The following EARS2 variants were observed in gnomAD, a reference collection of about 807,000 sequenced individuals.
EARS2 encodes the protein nondiscriminating glutamyl-tRNA synthetase EARS2, mitochondrial.
EARS2 carries 50 observed loss-of-function variants against 54.1 expected under a neutral mutation model. The ratio of observed to expected loss-of-function variants is 0.92; its 90% CI spans 0.74 to 1.17. The LOEUF (loss-of-function observed/expected upper bound fraction) is 1.17. Among genes scored for constraint, EARS2 ranks in the 50% most tolerant of loss-of-function variants. The pLI, the probability that EARS2 is intolerant of heterozygous loss-of-function variation, is 0.00. For missense variants in EARS2, 673 were observed against 675.0 expected, an observed-to-expected ratio of 1.00 and a Z score of 0.03; for synonymous variants, 298 against 281.0, an observed-to-expected ratio of 1.06 and a Z score of -0.61.
At chr16:23,552,441 T>C (rs1382458568) in intron 1 of EARS2, 137 bp from the exon 2 acceptor site, 2 of 1,006,616 alleles carry the variant, frequency 2.0e-6, no homozygotes, top group Admixed American at 2.6e-5. Flanking sequence ...ACGCCTGTAA[T>C]CCTACCACTT....
chr16:23,538,257 T>G (rs1965457928), intron 3 of EARS2, among the ~76,000 whole-genome samples: 1 of 151,944 alleles, frequency 6.6e-6, no homozygotes, highest in African/African-American at 2.4e-5. Context: ...CTGTAGCCTC[T>G]GCCTCCCAGG....
chr16:23,539,474 TCATGACCCATAG>T (rs1372789422), intron 3 of EARS2, among the ~76,000 whole-genome samples: 1 of 152,196 alleles, frequency 6.6e-6, no homozygotes, highest in Non-Finnish European at 1.5e-5. Flanking sequence ...CAAGTGTCCA[TCATGACCCATAG>T]GGTTCTGGGT....
At chr16:23,556,338 C>T (rs1032430763) in intron 1 of EARS2, among the ~76,000 whole-genome samples, 11 of 152,200 alleles carry the variant, frequency 7.2e-5, no homozygotes, top group African/African-American at 2.7e-4. Flanking sequence ...CCTGCGATTT[C>T]CTCTACCCAG....
chr16:23,529,332 G>A (rs1965282071), intron 7 of EARS2, among the ~76,000 whole-genome samples, 170 bp downstream of exon 7: 1 of 152,182 alleles, frequency 6.6e-6, no homozygotes, highest in Non-Finnish European at 1.5e-5. Context: ...GAAAGCCCGG[G>A]TTCTCCGGGT....
At position 23,524,435 on chromosome 16, in the gene EARS2, T is replaced by C; in HGVS notation, c.1508A>G (p.Glu503Gly). The C allele has an allele frequency of 6.2e-7, 1 of 1,614,134 alleles. No homozygotes were observed. The highest frequency in any genetic ancestry group is 8.5e-7 in the Non-Finnish European group (1 of 1,180,020). ...CTTTGGTCCCAAGGCCAACATCATC[T>C]CAGCTACAGGAGGTCCTTGCTAAGA... The part of the protein sequence containing the change: ...SGQQQGPPVA[E>G]MMLALGPKEV... The change falls in exon 9 of 9, where the codon GAG (glutamate) becomes GGG (glycine). Residue 503 changes from glutamate to glycine, a missense_variant. By Grantham distance (98) the Glu-to-Gly change is moderately conservative (BLOSUM62 -2). Transcript: ENST00000449606.
At chr16:23,556,940 T>G in intron 1 of EARS2, 1 of 674,750 alleles carries the variant, frequency 1.5e-6, no homozygotes, top group Non-Finnish European at 2.7e-6. Flanking sequence ...GTTACACAGG[T>G]TGTCATCAAT....
At chr16:23,553,085 G>A (rs778933459) in intron 1 of EARS2, 12 of 377,582 alleles carry the variant, frequency 3.2e-5, no homozygotes, top group Non-Finnish European at 6.0e-5. Context: ...CCATGATCAC[G>A]CCTCTGCACT....
At position 23,557,192 on chromosome 16, in the gene EARS2, C is replaced by A. The variant is rs750642953; in HGVS notation, c.139+13G>T. ...GGGGCCTCGGCCTGTAGCGTCACGTCCGCCAGGGTTACCTGTGGGGCTGGG... is the reference window on the plus strand; with the variant it reads ...GGGGCCTCGGCCTGTAGCGTCACGTACGCCAGGGTTACCTGTGGGGCTGGG... On this transcript the variant is annotated intron_variant, in intron 1 of 8. Coordinates refer to ENST00000449606, the MANE Select transcript of EARS2 (RefSeq NM_001083614.2). 1 of 1,507,560 alleles carries A rather than the reference C, an allele frequency of 6.6e-7. No homozygotes were observed. The allele number at this position is 1,507,560 out of a possible 1,614,324, so 93.4% of individuals were successfully genotyped here. A position where few individuals can be genotyped will look rare whatever the true frequency, so the allele number is the denominator to read the frequency against.
At chr16:23,544,455 A>C (rs1965566573) in intron 3 of EARS2, 59 bp downstream of exon 3, 2 of 1,524,042 alleles carry the variant, frequency 1.3e-6, no homozygotes, top group African/African-American at 1.4e-5. Flanking sequence ...CTTACGCAGC[A>C]CAAGGTAACA....
At chr16:23,554,815 T>C (rs1252618915) in intron 1 of EARS2, among the ~76,000 whole-genome samples, 1 of 152,206 alleles carries the variant, frequency 6.6e-6, no homozygotes, top group Non-Finnish European at 1.5e-5. Context: ...ACTTAACTTT[T>C]ATGAGCTTCT....
At chr16:23,526,767 C>G (rs1413183416) in intron 7 of EARS2, among the ~76,000 whole-genome samples, 5 of 152,098 alleles carry the variant, frequency 3.3e-5, no homozygotes, top group Non-Finnish European at 7.4e-5. Flanking sequence ...GCAACCAACC[C>G]CCACATCCTG....
chr16:23,529,340 G>C (rs912576815), intron 7 of EARS2, among the ~76,000 whole-genome samples, 162 bp downstream of exon 7: 9 of 152,180 alleles, frequency 5.9e-5, no homozygotes, highest in African/African-American at 2.2e-4. Flanking sequence ...GGGTTCTCCG[G>C]GTAAGCCCTC....
In EARS2 at chr16:23,549,090, A is replaced by G. The variant is rs1351140229; in HGVS notation, c.295+3059T>C. 2.0e-5 allele frequency among the ~76,000 whole-genome samples: 3 copies of G among 152,162 alleles called. No individual in the cohort carries two copies. The East Asian group carries it at 5.8e-4, about 29-fold the overall frequency. On this transcript the variant is annotated intron_variant, in intron 2 of 8. Transcript: ENST00000449606. The stretch of plus-strand genomic sequence containing the variant: ...TCGCCAAGCTGCGGGTGACGGGAAT[A>G]AAAGAGCTGTAACACGCTCCCGCTC...
rs930697705 is a variant in EARS2, at chr16:23,523,685, C to G, written c.*686G>C. 1.3e-5 allele frequency: 2 copies of G among 152,248 alleles called. No individual in the cohort carries two copies. The highest frequency in any genetic ancestry group is 2.9e-5 in the Non-Finnish European group (2 of 68,092). 9.4% of individuals were successfully genotyped at this position (152,248 alleles called of 1,614,324 possible). A position where few individuals can be genotyped will look rare whatever the true frequency, so the allele number is the denominator to read the frequency against. On this transcript the variant is annotated 3_prime_UTR_variant, in exon 9 of 9. Transcript: ENST00000449606. ...GGGCTGAATTCTGTCCCCCTAAATT[C>G]TTACGTTGAGAAACCCCTGGAACCT...
chr16:23,525,074 G>A, intron 8 of EARS2, 170 bp downstream of exon 8: 3 of 794,342 alleles, frequency 3.8e-6, no homozygotes, highest in Non-Finnish European at 6.2e-6. Context: ...CACAATGCTT[G>A]CACATAGTAG....
At chr16:23,551,936 T>G (rs1965702657) in intron 2 of EARS2, among the ~76,000 whole-genome samples, 1 of 151,892 alleles carries the variant, frequency 6.6e-6, no homozygotes, top group Non-Finnish European at 1.5e-5. Context: ...AATAAATAAA[T>G]AAAAATAAAG....
rs770661665 is a variant in EARS2 at position 23,535,300 on chromosome 16, G to A, written c.546C>T (p.Asp182=). ...GGCGGAAGCGGATCGCAGGCTTGGG[G>A]TCCTTGGCCAGCTTCTGGGCCACCT... The part of the protein sequence containing the change: ...QEQVAQKLAK[D]PKPAIRFRLE... The change falls in exon 4 of 9, where the codon GAC becomes GAT. Residue 182 remains aspartate (D), a synonymous_variant. Coordinates refer to ENST00000449606, the MANE Select transcript of EARS2 (RefSeq NM_001083614.2). 1.9e-6 allele frequency: 3 copies of A among 1,604,564 alleles called. No homozygotes were observed. The East Asian group carries it at 6.7e-5, about 36-fold the overall frequency.
At chr16:23,542,442 C>T (rs1458973901) in intron 3 of EARS2, among the ~76,000 whole-genome samples, 5 of 149,006 alleles carry the variant, frequency 3.4e-5, no homozygotes, top group Non-Finnish European at 7.4e-5. Context: ...CTCAGCCTCC[C>T]GAGCAGCTGG....
intron 2 of EARS2, among the ~76,000 whole-genome samples, chr16:23,549,112 G>C (rs1005553460): frequency 2.6e-5 from 4 of 151,964 alleles, no homozygotes; most frequent in African/African-American, 4.8e-5. Context: ...ACACGCTCCC[G>C]CTCACCAGAC....
Sources: allele counts gnomAD v4.1 joint callset (sites outside exome capture counted in the v4.1 genomes callset), GRCh38; gene constraint gnomAD v4.1.1; transcripts MANE v1.5; gene names NCBI Gene and HGNC (gene_info 2026-07-23, HGNC 2026-07-21).